Variants in ZNF451 observed in about 807,000 individuals in gnomAD.
The protein encoded by ZNF451 is E3 SUMO-protein ligase ZNF451.
ZNF451 carries 80 observed loss-of-function variants against 107.1 expected under a neutral mutation model. The observed-to-expected ratio is 0.75, with a 90% CI of 0.62 to 0.90. The LOEUF (loss-of-function observed/expected upper bound fraction) is 0.90, where lower values mean the gene tolerates loss of function less well. ZNF451 is among the 40% of genes least tolerant of loss of function. The pLI, the probability that ZNF451 is intolerant of heterozygous loss-of-function variation, is 0.00. For missense variants in ZNF451, 1,107 were observed against 1,236.2 expected, an observed-to-expected ratio of 0.90 and a Z score of 1.57; for synonymous variants, 362 against 406.5, an observed-to-expected ratio of 0.89 and a Z score of 1.32.
Position 57,148,114 on chromosome 6 carries a change from A to C in ZNF451, c.2029A>C (p.Asn677His), listed in dbSNP as rs199653076. The change falls in exon 10 of 15, where the codon AAT becomes CAT. Residue 677 changes from asparagine (N) to histidine (H), a missense_variant. Physicochemically the swap from Asn to His is moderately conservative, Grantham distance 68. Around this residue, in one of 5 missense-constraint regions of ZNF451, gnomAD observed 608 missense variants for 649.2 expected, o/e 0.94. Coordinates refer to ENST00000370706, the MANE Select transcript of ZNF451 (RefSeq NM_001031623.3). The stretch of plus-strand genomic sequence containing the variant: ...CTGTGGGCTTTGTGATCTTATCTTT[A>C]ATGTGGAAGAAGCATTTCTGAGTCA... ...YFCGLCDLIF[N>H]VEEAFLSHYE... is the part of the protein sequence containing the mutation. The C allele has an allele frequency of 6.2e-7, 1 of 1,613,968 alleles. No individual in the cohort carries two copies. The highest frequency in any genetic ancestry group is 1.3e-5 in the African/African-American group (1 of 74,934).
chr6:57,106,947 T>G, intron 3 of ZNF451: 1 of 928,638 alleles, frequency 1.1e-6, no homozygotes, highest in African/African-American at 1.8e-5. Flanking sequence ...AAAATATTAT[T>G]TTATGAAATT....
chr6:57,136,747 T>C (rs1831447941), intron 7 of ZNF451, among the ~76,000 whole-genome samples: 1 of 152,226 alleles, frequency 6.6e-6, no homozygotes, highest in Non-Finnish European at 1.5e-5. Flanking sequence ...TTTTCTTTAG[T>C]AAATTTGAGT....
At position 57,169,463 on chromosome 6, in the gene ZNF451, T is replaced by C. The variant is rs1166329926; in HGVS notation, c.*994T>C. 3 of 152,140 alleles carry C rather than the reference T, an allele frequency of 2.0e-5. No homozygotes were observed. The highest frequency in any genetic ancestry group is 7.2e-5 in the African/African-American group (3 of 41,460). 9.4% of individuals were successfully genotyped at this position (152,140 alleles called of 1,614,324 possible). On this transcript the variant is annotated 3_prime_UTR_variant, in exon 15 of 15. Transcript: ENST00000370706. Reference sequence around the variant, plus strand: ...ACATAAGTAGAAGACTAAGAAGGGCTTGTCATATTATCTTTGTGTATATGC... The same window carrying C: ...ACATAAGTAGAAGACTAAGAAGGGCCTGTCATATTATCTTTGTGTATATGC...
chr6:57,136,845 A>G (rs1831453280), intron 7 of ZNF451, among the ~76,000 whole-genome samples: 3 of 152,024 alleles, frequency 2.0e-5, no homozygotes, highest in South Asian at 4.2e-4. Context: ...CACACATTCC[A>G]TGCTGTTTTG....
At chr6:57,161,186 A>T (rs762980752) in intron 14 of ZNF451, 34 bp downstream of exon 14, 3 of 1,262,620 alleles carry the variant, frequency 2.4e-6, no homozygotes, top group Non-Finnish European at 3.2e-6. Flanking sequence ...TTTCTACTTG[A>T]CTGTATCTGT....
At chr6:57,103,262 G>T in intron 3 of ZNF451, 1 of 985,434 alleles carries the variant, frequency 1.0e-6, no homozygotes, top group Non-Finnish European at 1.2e-6. Context: ...TGTGGATGTG[G>T]TGAAGAGAAC....
At chr6:57,143,849 A>G (rs1260463306) in intron 9 of ZNF451, among the ~76,000 whole-genome samples, 1 of 152,220 alleles carries the variant, frequency 6.6e-6, no homozygotes. Context: ...ATATCCATAC[A>G]AGGGAATATT....
At position 57,092,363 on chromosome 6, in the gene ZNF451, G is replaced by A. The variant is rs1259378694; in HGVS notation, c.105+1469G>A. Among the ~76,000 whole-genome samples the A allele has an allele frequency of 5.9e-5, 9 of 152,122 alleles. No individual in the cohort carries two copies. In the East Asian group the frequency reaches 1.2e-3, roughly 20 times the overall value. ...ATGTTGAATGTAGAGGATCACTTCC[G>A]TCTTTGCATCAAGAGTAAAGAATGT... On this transcript the variant is annotated intron_variant, in intron 2 of 14. Transcript: ENST00000370706.
chr6:57,125,569 G>C (rs1830892528), intron 4 of ZNF451, among the ~76,000 whole-genome samples: 1 of 152,036 alleles, frequency 6.6e-6, no homozygotes. Flanking sequence ...TATAGACTTT[G>C]GGTTTCATTC....
intron 9 of ZNF451, among the ~76,000 whole-genome samples, chr6:57,145,932 TC>T (rs1275592241): frequency 2.0e-5 from 3 of 152,198 alleles, no homozygotes; most frequent in African/African-American, 4.8e-5. Context: ...GTATAAGTGT[TC>T]CCTTTTCTCT....
rs756944819 is a variant in ZNF451, at chr6:57,138,887, G to T, written c.703-2415G>T. On this transcript the variant is annotated intron_variant, in intron 7 of 14. Transcript: ENST00000370706. The stretch of plus-strand genomic sequence containing the variant: ...CCTTAAGTGCTGGGATTACAGGTGT[G>T]AGCCACTGCTCCTGGCCAAGTATGC... Among the ~76,000 whole-genome samples, 93 of 149,078 alleles carry T rather than the reference G, an allele frequency of 6.2e-4. 1 individual carries two copies. Among genetic ancestry groups the T allele is most frequent in the Middle Eastern group, 6.9e-3 (2 of 290 alleles).
At chr6:57,101,143 T>A in intron 3 of ZNF451, 1 of 1,550,694 alleles carries the variant, frequency 6.4e-7, no homozygotes, top group Non-Finnish European at 8.7e-7. Context: ...CAAATCACCA[T>A]CAGCTGATGA....
intron 3 of ZNF451, chr6:57,104,257 A>C: frequency 3.0e-6 from 3 of 985,314 alleles, no homozygotes; most frequent in Non-Finnish European, 3.6e-6. Context: ...TGTGTATTGC[A>C]CCAATCAAGC....
Position 57,154,234 on chromosome 6 carries a change from G to A in ZNF451, c.3070+187G>A. ...TCATTCTTTAGTGTTTTAGAAGGAGGATGAATTCATAATAATTTTCTGGAG... is the reference window on the plus strand; with the variant it reads ...TCATTCTTTAGTGTTTTAGAAGGAGAATGAATTCATAATAATTTTCTGGAG... On this transcript the variant is annotated intron_variant, in intron 13 of 14. Transcript: ENST00000370706. 5 of 620,798 alleles carry A rather than the reference G, an allele frequency of 8.1e-6. No individual in the cohort carries two copies. In the Middle Eastern group the frequency reaches 1.3e-3, roughly 157 times the overall value. The allele number at this position is 620,798 out of a possible 1,614,324, so 38.5% of individuals were successfully genotyped here.
At chr6:57,159,504 C>A in intron 13 of ZNF451, 15 of 330,518 alleles carry the variant, frequency 4.5e-5, no homozygotes, top group Non-Finnish European at 6.4e-5. Context: ...AATTTGTAAA[C>A]TTTCTTAAAA....
intron 3 of ZNF451, among the ~76,000 whole-genome samples, chr6:57,113,691 G>A (rs1010663498): frequency 2.0e-5 from 3 of 148,154 alleles, no homozygotes; most frequent in African/African-American, 5.0e-5. Context: ...GTGCAATCTC[G>A]GCTCACTGCA....
Position 57,124,850 on chromosome 6 carries a change from A to G in ZNF451, c.303A>G (p.Arg101=), listed in dbSNP as rs1278768083. The change falls in exon 4 of 15, where the codon AGA becomes AGG. Residue 101 remains arginine (R), a synonymous_variant. Transcript: ENST00000370706. ...AACAGCAGAAAGAAGAGAAGAATAGAGCATTCAGAGTATGTGCTATTTTAA... is the reference window on the plus strand; with the variant it reads ...AACAGCAGAAAGAAGAGAAGAATAGGGCATTCAGAGTATGTGCTATTTTAA... ...VEKQQKEEKN[R]AFREKIDFQH... 1.0e-5 allele frequency: 16 copies of G among 1,600,548 alleles called. No individual in the cohort carries two copies. The highest frequency in any genetic ancestry group is 1.4e-5 in the Non-Finnish European group (16 of 1,173,046).
At position 57,148,710 on chromosome 6, in the gene ZNF451, C is replaced by T. The variant is rs1213037761; in HGVS notation, c.2608+17C>T. 2 of 1,556,726 alleles carry T rather than the reference C, an allele frequency of 1.3e-6. No individual in the cohort carries two copies. Among genetic ancestry groups the T allele is most frequent in the South Asian group, 2.5e-5 (2 of 81,518 alleles). On this transcript the variant is annotated intron_variant, in intron 10 of 14. Coordinates refer to ENST00000370706, the MANE Select transcript of ZNF451 (RefSeq NM_001031623.3). ...AGAATATAGGTATGGCTTTATAGCT[C>T]TATGCAAATTTCATATACTGATATT...
intron 5 of ZNF451, among the ~76,000 whole-genome samples, chr6:57,130,309 G>A (rs1315142955): frequency 6.6e-6 from 1 of 152,062 alleles, no homozygotes; most frequent in African/African-American, 2.4e-5. Context: ...ATGGTAAATG[G>A]TTTTGCCTCT....
Sources: gnomAD v4.1 joint callset for allele counts (sites outside exome capture counted in the v4.1 genomes callset) on GRCh38, gnomAD v4.1.1 for gene constraint, gnomAD v4.1.1 regional missense constraint, MANE v1.5 for transcripts, NCBI Gene and HGNC (gene_info 2026-07-23, HGNC 2026-07-21) for gene names.